The following ITIH5 variants were observed in gnomAD, a reference collection of about 807,000 sequenced individuals.
ITIH5 encodes inter-alpha-trypsin inhibitor heavy chain 5.
ITIH5 carries 65 observed loss-of-function variants against 77.5 expected under a neutral mutation model. The observed-to-expected ratio is 0.84, with a 90% confidence interval of 0.69 to 1.03. ITIH5 has a LOEUF of 1.03. Ranked by LOEUF, ITIH5 falls within the 50% of genes least tolerant of loss-of-function variation. The pLI is 0.00. For missense variants in ITIH5, 1,208 were observed against 1,213.1 expected (o/e 1.00, Z 0.06); for synonymous variants, 525 against 494.3 (o/e 1.06, Z -0.82).
chr10:7,607,771 G>A (rs1223525161), intron 7 of ITIH5, among the ~76,000 whole-genome samples: 5 of 152,208 alleles, frequency 3.3e-5, no homozygotes, highest in African/African-American at 7.2e-5. Flanking sequence ...CTGAGATAGC[G>A]CCATTGCACT....
intron 7 of ITIH5, among the ~76,000 whole-genome samples, chr10:7,601,308 A>C (rs10905200): frequency 6.6e-6 from 1 of 152,062 alleles, no homozygotes; most frequent in African/African-American, 2.4e-5. Flanking sequence ...AGAGAGGGCC[A>C]GCCCAGGGGG....
At chr10:7,603,092 A>C (rs1833048167) in intron 7 of ITIH5, among the ~76,000 whole-genome samples, 1 of 152,046 alleles carries the variant, frequency 6.6e-6, no homozygotes, top group African/African-American at 2.4e-5. Context: ...ACTAAATCCC[A>C]CCTCTGAGTG....
chr10:7,604,078 A>G lies in ITIH5; in HGVS notation c.939+11904T>C, dbSNP rs540712379. Among the ~76,000 whole-genome samples the G allele has an allele frequency of 8.5e-5, 13 of 152,288 alleles. No homozygotes were observed. In the South Asian group the frequency reaches 2.7e-3, roughly 32 times the overall value. ...ACCTCCAGGTTCTCCCTGGTCCAGA[A>G]GCCCTTGATGGGTAGATTATCAGAG... On this transcript the variant is annotated intron_variant, in intron 7 of 13. Coordinates refer to ENST00000397146, the MANE Select transcript of ITIH5 (RefSeq NM_030569.7).
intron 7 of ITIH5, among the ~76,000 whole-genome samples, chr10:7,589,135 T>C (rs12771124): frequency 0.28 from 43,309 of 152,188 alleles, 6,508 homozygotes; most frequent in East Asian, 0.49. Flanking sequence ...CATCAACTAA[T>C]GTATCCATCT....
intron 7 of ITIH5, among the ~76,000 whole-genome samples, chr10:7,590,174 C>T (rs532625252): frequency 6.6e-6 from 1 of 152,242 alleles, no homozygotes; most frequent in Non-Finnish European, 1.5e-5. Context: ...TTTAAATCTC[C>T]CTCTCCTCGC....
chr10:7,613,491 C>T (rs1833298411), intron 7 of ITIH5, among the ~76,000 whole-genome samples: 1 of 152,126 alleles, frequency 6.6e-6, no homozygotes, highest in African/African-American at 2.4e-5. Flanking sequence ...TACATGTTTA[C>T]TGTGCTTGAG....
chr10:7,570,526 T>C (rs1309713502), intron 11 of ITIH5: 1 of 152,266 alleles, frequency 6.6e-6, no homozygotes, highest in Non-Finnish European at 1.5e-5. Context: ...CCTTGCCTTT[T>C]ATTATACAGA....
At chr10:7,630,836 C>T (rs7902103) in intron 5 of ITIH5, among the ~76,000 whole-genome samples, 2 of 151,708 alleles carry the variant, frequency 1.3e-5, no homozygotes, top group Non-Finnish European at 2.9e-5. Flanking sequence ...GTGTTCTTAA[C>T]GGCCAAACAC....
intron 1 of ITIH5, among the ~76,000 whole-genome samples, chr10:7,662,898 A>G (rs1470595644): frequency 1.3e-5 from 2 of 152,028 alleles, no homozygotes; most frequent in Non-Finnish European, 2.9e-5. Context: ...AGCTATCTTG[A>G]TTTTTGTTGT....
intron 5 of ITIH5, chr10:7,621,203 A>T (rs965936520): frequency 8.5e-5 from 13 of 152,232 alleles, no homozygotes; most frequent in African/African-American, 3.1e-4. Context: ...GATTATCTCT[A>T]AGATTCTACA....
chr10:7,652,821 T>G (rs1382177794), intron 2 of ITIH5, among the ~76,000 whole-genome samples: 1 of 151,932 alleles, frequency 6.6e-6, no homozygotes, highest in Non-Finnish European at 1.5e-5. Context: ...AAGGTATCTA[T>G]CACATACAAA....
chr10:7,591,061 T>G (rs545954628), intron 7 of ITIH5, among the ~76,000 whole-genome samples: 1 of 152,298 alleles, frequency 6.6e-6, no homozygotes, highest in South Asian at 2.1e-4. Context: ...CACGCTCAGC[T>G]AATTTTTTCT....
Position 7,616,397 on chromosome 10 carries a change from G to GTT in ITIH5, c.823-301_823-300dup, listed in dbSNP as rs61480852. Among the ~76,000 whole-genome samples, 160 of 151,750 alleles carry GTT rather than the reference G, an allele frequency of 1.1e-3. 1 individual carries two copies. Among genetic ancestry groups the GTT allele is most frequent in the African/African-American group, 3.6e-3 (150 of 41,336 alleles). ...TTGAGAATTCTGCTTCCTTCATTAT[G>GTT]TTTTTTTTACCAAGCATCTTACAAG... is the stretch of plus-strand genomic sequence containing the variant. On this transcript the variant is annotated intron_variant, in intron 6 of 13. Coordinates refer to ENST00000397146, the MANE Select transcript of ITIH5 (RefSeq NM_030569.7).
chr10:7,661,735 A>C (rs1376417839), intron 1 of ITIH5, among the ~76,000 whole-genome samples: 6 of 152,168 alleles, frequency 3.9e-5, no homozygotes, highest in Non-Finnish European at 8.8e-5. Context: ...GTCTCAACTC[A>C]TACCACCCAG....
intron 12 of ITIH5, among the ~76,000 whole-genome samples, chr10:7,568,440 T>C (rs1832230687): frequency 6.6e-6 from 1 of 152,160 alleles, no homozygotes; most frequent in South Asian, 2.1e-4. Flanking sequence ...ACAGAAACCA[T>C]GGGAACTGCT....
intron 1 of ITIH5, 113 bp downstream of exon 1, chr10:7,666,690 G>T: frequency 1.3e-6 from 1 of 754,104 alleles, no homozygotes; most frequent in Non-Finnish European, 2.1e-6. Context: ...CTGGGCCTCT[G>T]GTGGGGGCCT....
chr10:7,650,577 A>G (rs1834082443), intron 2 of ITIH5, among the ~76,000 whole-genome samples: 1 of 152,114 alleles, frequency 6.6e-6, no homozygotes, highest in Non-Finnish European at 1.5e-5. Context: ...TCTATTAAAA[A>G]TGCAAAAAAT....
At chr10:7,594,269 T>C (rs1367016610) in intron 7 of ITIH5, among the ~76,000 whole-genome samples, 1 of 152,136 alleles carries the variant, frequency 6.6e-6, no homozygotes, top group East Asian at 1.9e-4. Context: ...CTGTAGACTC[T>C]TCCAGTGCAG....
At chr10:7,627,868 T>C (rs1467197504) in intron 5 of ITIH5, among the ~76,000 whole-genome samples, 1 of 131,250 alleles carries the variant, frequency 7.6e-6, no homozygotes, top group Non-Finnish European at 1.5e-5. Flanking sequence ...AGACAGAGTC[T>C]TGCTGCTCTG....
Sources: allele counts gnomAD v4.1 joint callset (sites outside exome capture counted in the v4.1 genomes callset), GRCh38; gene constraint gnomAD v4.1.1; transcripts MANE v1.5; gene names NCBI Gene and HGNC (gene_info 2026-07-23, HGNC 2026-07-21).